Variants in SLC10A7 observed in about 807,000 individuals in gnomAD.
SLC10A7 encodes solute carrier family 10 member 7.
A neutral mutation model predicts 43.2 loss-of-function variants in SLC10A7; 29 were observed. The ratio of observed to expected loss-of-function variants is 0.67; its 90% CI spans 0.50 to 0.92. SLC10A7 has a LOEUF of 0.92. SLC10A7 is among the 40% of genes least tolerant of loss of function. The pLI, the probability that SLC10A7 is intolerant of heterozygous loss-of-function variation, is 0.00. For missense variants in SLC10A7, 295 were observed against 403.2 expected (o/e 0.73, Z 2.30); for synonymous variants, 152 against 144.8 (o/e 1.05, Z -0.35).
chr4:146,300,163 T>C (rs570859803), intron 7 of SLC10A7, among the ~76,000 whole-genome samples: 18 of 152,206 alleles, frequency 1.2e-4, no homozygotes, highest in African/African-American at 3.4e-4. Flanking sequence ...GGTCAGTTAA[T>C]CTGGGGTCTT....
intron 5 of SLC10A7, among the ~76,000 whole-genome samples, chr4:146,349,727 A>C (rs1232773306): frequency 1.3e-5 from 2 of 152,170 alleles, no homozygotes; most frequent in African/African-American, 2.4e-5. Flanking sequence ...ATGCAGCTGG[A>C]GGCCATTATC....
At position 146,421,385 on chromosome 4, in the gene SLC10A7, G is replaced by A. The variant is rs1014279624; in HGVS notation, c.435+21398C>T. Among the ~76,000 whole-genome samples, 3 of 152,140 alleles carry A rather than the reference G, an allele frequency of 2.0e-5. No individual in the cohort carries two copies. In the Middle Eastern group the frequency reaches 0.01, roughly 517 times the overall value. On this transcript the variant is annotated intron_variant, in intron 5 of 11. Transcript: ENST00000335472. ...AGCTCTAGCCAAAGTATTCATTGTT[G>A]TTCATCTGGGCTCAGAACATTCTAC...
chr4:146,372,058 C>A (rs1164332178), intron 5 of SLC10A7, among the ~76,000 whole-genome samples: 1 of 152,152 alleles, frequency 6.6e-6, no homozygotes, highest in Non-Finnish European at 1.5e-5. Flanking sequence ...ATATATGCAT[C>A]AGAATCCCTT....
At chr4:146,324,928 G>C (rs1732998305) in intron 6 of SLC10A7, among the ~76,000 whole-genome samples, 1 of 152,134 alleles carries the variant, frequency 6.6e-6, no homozygotes, top group Non-Finnish European at 1.5e-5. Context: ...GGAGGGTAAG[G>C]ATGAGGTTTA....
At chr4:146,448,018 G>C (rs1731257073) in intron 4 of SLC10A7, among the ~76,000 whole-genome samples, 1 of 151,704 alleles carries the variant, frequency 6.6e-6, no homozygotes. Flanking sequence ...ATTGAACAAT[G>C]AGAACACATG....
At chr4:146,403,137 T>C (rs932877908) in intron 5 of SLC10A7, among the ~76,000 whole-genome samples, 4 of 152,206 alleles carry the variant, frequency 2.6e-5, no homozygotes, top group South Asian at 4.1e-4. Flanking sequence ...ATTGTAGTAG[T>C]CTTTGTTATA....
chr4:146,396,242 G>A (rs1452907224), intron 5 of SLC10A7, among the ~76,000 whole-genome samples: 1 of 152,038 alleles, frequency 6.6e-6, no homozygotes, highest in East Asian at 1.9e-4. Context: ...TTAAATAAAG[G>A]AATAACTAAT....
intron 5 of SLC10A7, among the ~76,000 whole-genome samples, chr4:146,409,333 T>TAA (rs1319095950): frequency 1.2e-5 from 1 of 84,564 alleles, no homozygotes; most frequent in African/African-American, 4.7e-5. Flanking sequence ...ATATGGCACA[T>TAA]CAAAAAAAAA....
chr4:146,484,791 TA>T (rs1299479460), intron 4 of SLC10A7, among the ~76,000 whole-genome samples: 1 of 152,170 alleles, frequency 6.6e-6, no homozygotes, highest in Non-Finnish European at 1.5e-5. Context: ...GAGTTATTGA[TA>T]TATCACCACA....
chr4:146,411,684 T>C (rs926711435), intron 5 of SLC10A7, among the ~76,000 whole-genome samples: 1 of 152,186 alleles, frequency 6.6e-6, no homozygotes, highest in Admixed American at 6.5e-5. Context: ...ATTAAATAGC[T>C]ACTTTCACAT....
intron 10 of SLC10A7, among the ~76,000 whole-genome samples, chr4:146,266,773 C>T (rs1375009472): frequency 6.6e-6 from 1 of 152,074 alleles, no homozygotes; most frequent in Non-Finnish European, 1.5e-5. Flanking sequence ...GCTGGAGAGC[C>T]CTGGGTTTGG....
chr4:146,470,623 T>C (rs925140484), intron 4 of SLC10A7, among the ~76,000 whole-genome samples: 2 of 152,186 alleles, frequency 1.3e-5, no homozygotes, highest in Non-Finnish European at 2.9e-5. Context: ...TACCTCAAAC[T>C]TGAACACAGT....
chr4:146,337,739 G>C (rs1168622541), intron 5 of SLC10A7, among the ~76,000 whole-genome samples: 1 of 151,862 alleles, frequency 6.6e-6, no homozygotes, highest in Non-Finnish European at 1.5e-5. Context: ...GGAAGTGTCA[G>C]AAGATAGAAC....
At chr4:146,485,530 A>G (rs1734835517) in intron 4 of SLC10A7, among the ~76,000 whole-genome samples, 1 of 152,158 alleles carries the variant, frequency 6.6e-6, no homozygotes, top group Non-Finnish European at 1.5e-5. Context: ...CTGCCACACA[A>G]AGAGCTGGTG....
At chr4:146,477,518 A>C (rs1160029506) in intron 4 of SLC10A7, among the ~76,000 whole-genome samples, 1 of 152,262 alleles carries the variant, frequency 6.6e-6, no homozygotes, top group Non-Finnish European at 1.5e-5. Flanking sequence ...AATAACCTAA[A>C]ATAGCAAATG....
At chr4:146,496,937 A>G (rs1414636954) in intron 4 of SLC10A7, among the ~76,000 whole-genome samples, 1 of 152,226 alleles carries the variant, frequency 6.6e-6, no homozygotes, top group African/African-American at 2.4e-5. Flanking sequence ...TTGATGCTTA[A>G]CAATTGGTTG....
intron 4 of SLC10A7, among the ~76,000 whole-genome samples, chr4:146,479,001 C>T (rs952926136): frequency 6.6e-6 from 1 of 152,016 alleles, no homozygotes; most frequent in African/African-American, 2.4e-5. Context: ...AAAAAAATTG[C>T]CATTTGTTAT....
intron 5 of SLC10A7, among the ~76,000 whole-genome samples, chr4:146,412,209 T>C (rs1277564266): frequency 6.6e-6 from 1 of 152,022 alleles, no homozygotes; most frequent in African/African-American, 2.4e-5. Flanking sequence ...ATATGGGGAG[T>C]AATTCACATG....
intron 5 of SLC10A7, among the ~76,000 whole-genome samples, chr4:146,362,196 T>A (rs1014282436): frequency 1.3e-5 from 2 of 151,886 alleles, no homozygotes; most frequent in African/African-American, 2.4e-5. Flanking sequence ...GAAATAATAA[T>A]AAAGAACTTT....
Sources: gnomAD v4.1 joint callset for allele counts (sites outside exome capture counted in the v4.1 genomes callset) on GRCh38, gnomAD v4.1.1 for gene constraint, MANE v1.5 for transcripts, NCBI Gene and HGNC (gene_info 2026-07-23, HGNC 2026-07-21) for gene names.